SCAF8: variants seen among roughly 807,000 people sequenced by gnomAD.
The protein encoded by SCAF8 is SR-related CTD associated factor 8, also known as SR-related and CTD-associated factor 8.
A neutral mutation model predicts 140.5 loss-of-function variants in SCAF8; 23 were observed. The observed-to-expected ratio is 0.16, with a 90% CI of 0.12 to 0.23. SCAF8 has a LOEUF of 0.23. Among genes scored for constraint, SCAF8 ranks in the 10% least tolerant of loss-of-function variants. The pLI, the probability that SCAF8 is intolerant of heterozygous loss-of-function variation, is 1.00. For missense variants in SCAF8, 1,397 were observed against 1,555.7 expected (o/e 0.90, Z 1.72); for synonymous variants, 575 against 528.9 (o/e 1.09, Z -1.20).
Position 154,808,688 on chromosome 6 carries a change from T to C in SCAF8, c.1116T>C (p.Asp372=). The C allele has an allele frequency of 6.3e-7, 1 of 1,597,098 alleles. No homozygotes were observed. Among genetic ancestry groups the C allele is most frequent in the Non-Finnish European group, 8.6e-7 (1 of 1,164,722 alleles). Reference sequence around the variant, plus strand: ...TTGCTGTTCTTTTGACTTTCAAGGATATGGATATAGATGAAGGGCAAGATG... The same window carrying C: ...TTGCTGTTCTTTTGACTTTCAAGGACATGGATATAGATGAAGGGCAAGATG... ...LDDSIDIQQQ[D]MDIDEGQDGV... The change falls in exon 11 of 20, where the codon GAT becomes GAC. Residue 372 remains aspartate (D), a splice_region_variant and synonymous_variant. Transcript: ENST00000367178.
intron 15 of SCAF8, among the ~76,000 whole-genome samples, chr6:154,820,873 A>G (rs1215025786): frequency 6.6e-6 from 1 of 152,208 alleles, no homozygotes; most frequent in Non-Finnish European, 1.5e-5. Flanking sequence ...AAAATTGACA[A>G]AATGATTTGC....
chr6:154,808,168 C>A lies in SCAF8; in HGVS notation c.1080C>A (p.Val360=), dbSNP rs754519339. The change falls in exon 10 of 20, where the codon GTC becomes GTA. Residue 360 remains valine (V), a synonymous_variant. Transcript: ENST00000367178. ...AGCAGCATTTTCTTGAACCTGAAGT[C>A]AATTTGGATGATTCCATAGATATTC... is the stretch of plus-strand genomic sequence containing the variant. ...SSQQHFLEPE[V]NLDDSIDIQQ... is the part of the protein sequence containing the mutation. 4 of 1,613,738 alleles carry A rather than the reference C, an allele frequency of 2.5e-6. No individual in the cohort carries two copies. The Admixed American group carries it at 5.0e-5, about 20-fold the overall frequency.
At chr6:154,778,769 A>G (rs75825757) in intron 3 of SCAF8, among the ~76,000 whole-genome samples, 8,579 of 142,154 alleles carry the variant, frequency 0.06, 732 homozygotes, top group African/African-American at 0.19. Flanking sequence ...GTCTCAAAAA[A>G]TGTGTGTGTG....
chr6:154,763,367 G>A (rs1490078840), intron 1 of SCAF8, among the ~76,000 whole-genome samples: 1 of 152,214 alleles, frequency 6.6e-6, no homozygotes, highest in Non-Finnish European at 1.5e-5. Context: ...ACTCTCAAGG[G>A]CTTAAAGGAC....
At chr6:154,792,776 G>C (rs754683158) in intron 4 of SCAF8, 47 bp from the exon 5 acceptor site, 1 of 1,410,254 alleles carries the variant, frequency 7.1e-7, no homozygotes, top group Admixed American at 2.0e-5. Flanking sequence ...ACTGTACTAA[G>C]GTTTTGAGAG....
At chr6:154,807,563 G>A (rs1216394945) in intron 9 of SCAF8, among the ~76,000 whole-genome samples, 1 of 152,140 alleles carries the variant, frequency 6.6e-6, no homozygotes, top group African/African-American at 2.4e-5. Context: ...TGTATTTTCA[G>A]TAGAGACGGG....
At chr6:154,771,112 C>G (rs1776753146) in intron 1 of SCAF8, among the ~76,000 whole-genome samples, 2 of 152,326 alleles carry the variant, frequency 1.3e-5, no homozygotes, top group East Asian at 1.9e-4. Flanking sequence ...TACTGTCAGT[C>G]AGCATCACCC....
chr6:154,740,838 A>G (rs1778551620), intron 1 of SCAF8, among the ~76,000 whole-genome samples: 1 of 152,052 alleles, frequency 6.6e-6, no homozygotes, highest in Non-Finnish European at 1.5e-5. Context: ...AGGCTGGTGT[A>G]GAACTCCTGG....
chr6:154,752,049 T>A (rs1778850864), intron 1 of SCAF8, among the ~76,000 whole-genome samples: 1 of 152,252 alleles, frequency 6.6e-6, no homozygotes, highest in African/African-American at 2.4e-5. Flanking sequence ...ATATCCTTAA[T>A]GTATCTGTAG....
chr6:154,737,232 G>T (rs1368653603), intron 1 of SCAF8, among the ~76,000 whole-genome samples: 1 of 152,174 alleles, frequency 6.6e-6, no homozygotes, highest in Non-Finnish European at 1.5e-5. Context: ...TTATCTTTGG[G>T]TTTAATCCAT....
intron 4 of SCAF8, among the ~76,000 whole-genome samples, chr6:154,791,752 G>T (rs1777426652): frequency 6.6e-6 from 1 of 152,028 alleles, no homozygotes; most frequent in Non-Finnish European, 1.5e-5. Flanking sequence ...TGACTGACTG[G>T]AACCTTACAA....
At chr6:154,778,590 CTG>C (rs1218884390) in intron 3 of SCAF8, among the ~76,000 whole-genome samples, 1 of 152,116 alleles carries the variant, frequency 6.6e-6, no homozygotes, top group Admixed American at 6.6e-5. Context: ...GATGACAAAA[CTG>C]TGTGTTTACT....
chr6:154,733,671 A>T lies in SCAF8; in HGVS notation c.-230A>T. On this transcript the variant is annotated 5_prime_UTR_variant, in exon 1 of 20. Transcript: ENST00000367178. Reference sequence around the variant, plus strand: ...CGCCCCGGCAGCGCCTCTGTTCCCTAGAACGGCGCTCCCCCCGCCCTAGCG... The same window carrying T: ...CGCCCCGGCAGCGCCTCTGTTCCCTTGAACGGCGCTCCCCCCGCCCTAGCG... 1.5e-6 allele frequency: 2 copies of T among 1,297,540 alleles called. No individual in the cohort carries two copies. Among genetic ancestry groups the T allele is most frequent in the East Asian group, 6.3e-5 (2 of 31,566 alleles). 80.4% of individuals were successfully genotyped at this position (1,297,540 alleles called of 1,614,324 possible).
At chr6:154,739,649 T>G (rs2114788973) in intron 1 of SCAF8, among the ~76,000 whole-genome samples, 1 of 152,344 alleles carries the variant, frequency 6.6e-6, no homozygotes, top group South Asian at 2.1e-4. Context: ...CTTAGTATTT[T>G]TTGTCTTTGG....
Position 154,832,123 on chromosome 6 carries a change from T to A in SCAF8, c.2544T>A (p.Ile848=), listed in dbSNP as rs1271210749. The change falls in exon 20 of 20, where the codon ATT becomes ATA. Residue 848 remains isoleucine (I), a synonymous_variant. Transcript: ENST00000367178. ...TTATTGCAGCCCAACCACCAAATATTCTAAATAACTCTGGAATATTGGGAA... is the reference window on the plus strand; with the variant it reads ...TTATTGCAGCCCAACCACCAAATATACTAAATAACTCTGGAATATTGGGAA... ...SGIIAAQPPN[I]LNNSGILGIQ... The A allele has an allele frequency of 6.2e-7, 1 of 1,614,072 alleles. No homozygotes were observed. The highest frequency in any genetic ancestry group is 2.2e-5 in the East Asian group (1 of 44,874).
At position 154,792,809 on chromosome 6, in the gene SCAF8, C is replaced by A. The variant is rs1428857376; in HGVS notation, c.322-14C>A. On this transcript the variant is annotated splice_polypyrimidine_tract_variant and intron_variant, in intron 4 of 19. Transcript: ENST00000367178. ...GAGTAAAAACCAAAATGTCATGTTT[C>A]TTTTTTTCTCTAGAGTAAAATAGTG... 3.7e-5 allele frequency: 58 copies of A among 1,563,206 alleles called. 1 individual carries two copies. The Admixed American group carries it at 1.1e-3, about 30-fold the overall frequency.
chr6:154,757,409 G>T (rs560993101), intron 1 of SCAF8, among the ~76,000 whole-genome samples: 1 of 152,334 alleles, frequency 6.6e-6, no homozygotes, highest in East Asian at 1.9e-4. Context: ...TATATCATCA[G>T]TTATGGCTTT....
At chr6:154,781,724 G>C (rs1248472714) in intron 3 of SCAF8, among the ~76,000 whole-genome samples, 4 of 152,132 alleles carry the variant, frequency 2.6e-5, no homozygotes, top group Admixed American at 6.5e-5. Flanking sequence ...TGTAGTTTTT[G>C]GTTATTATGA....
chr6:154,812,078 A>G (rs1583057946), intron 12 of SCAF8, among the ~76,000 whole-genome samples: 1 of 152,228 alleles, frequency 6.6e-6, no homozygotes, highest in East Asian at 1.9e-4. Flanking sequence ...CAAACAGCAA[A>G]AAAGAAAATA....
Sources: allele counts gnomAD v4.1 joint callset (sites outside exome capture counted in the v4.1 genomes callset), GRCh38; gene constraint gnomAD v4.1.1; transcripts MANE v1.5; gene names NCBI Gene and HGNC (gene_info 2026-07-23, HGNC 2026-07-21).